Variants in OR4K17 observed in about 807,000 individuals in gnomAD.
The protein encoded by OR4K17 is olfactory receptor family 4 subfamily K member 17, also known as olfactory receptor 4K17.
For synonymous variants in OR4K17, 157 were observed against 132.8 expected, an observed-to-expected ratio of 1.18 and a Z score of -1.25; for missense variants, 480 against 366.3, an observed-to-expected ratio of 1.31 and a Z score of -2.53.
intron 1 of OR4K17, among the ~76,000 whole-genome samples, chr14:20,113,775 G>C (rs934068055): frequency 6.6e-6 from 1 of 151,814 alleles, no homozygotes; most frequent in African/African-American, 2.4e-5. Context: ...ACTTTGTGTT[G>C]CTCCATTAAT....
At chr14:20,112,095 A>C (rs901579740) in intron 1 of OR4K17, 2 of 152,074 alleles carry the variant, frequency 1.3e-5, no homozygotes, top group African/African-American at 4.8e-5. Flanking sequence ...GTGGGAGGTA[A>C]GGTGTCATAA....
At chr14:20,112,086 T>C (rs1877895031) in intron 1 of OR4K17, 1 of 151,636 alleles carries the variant, frequency 6.6e-6, no homozygotes, top group Non-Finnish European at 1.5e-5. Context: ...AGGAAAACAG[T>C]GGGAGGTAAG....
intron 1 of OR4K17, chr14:20,112,081 A>G (rs1474892353): frequency 1.3e-5 from 2 of 152,068 alleles, no homozygotes; most frequent in African/African-American, 4.8e-5. Flanking sequence ...GAGTAAGGAA[A>G]ACAGTGGGAG....
intron 1 of OR4K17, among the ~76,000 whole-genome samples, chr14:20,116,947 C>T (rs1416259777): frequency 3.3e-5 from 5 of 152,162 alleles, no homozygotes; most frequent in Admixed American, 6.5e-5. Context: ...TGCAACCTCG[C>T]TAACTCACTT....
At chr14:20,117,256 A>G in intron 1 of OR4K17, 1 of 585,748 alleles carries the variant, frequency 1.7e-6, no homozygotes, top group South Asian at 2.3e-5. Flanking sequence ...TGCTTCTGGG[A>G]AACCAACAGC....
chr14:20,118,014 A>T lies in OR4K17; in HGVS notation c.515A>T (p.Asn172Ile). ...GTGAACTTGCCCTTTTGTGGTCCCA[A>T]TGTGGTAGACAGCATTTTTTGTGAC... The part of the protein sequence containing the change: ...FAVNLPFCGP[N>I]VVDSIFCDLP... The change falls in exon 2 of 2, where the codon AAT becomes ATT. Residue 172 changes from asparagine to isoleucine, a missense_variant. Transcript: ENST00000641386. 6.2e-7 allele frequency: 1 copy of T among 1,614,152 alleles called. No homozygotes were observed. The highest frequency in any genetic ancestry group is 8.5e-7 in the Non-Finnish European group (1 of 1,180,012).
intron 1 of OR4K17, among the ~76,000 whole-genome samples, chr14:20,116,945 C>T (rs746555338): frequency 3.3e-5 from 5 of 152,164 alleles, no homozygotes; most frequent in Non-Finnish European, 4.4e-5. Flanking sequence ...CTTGCAACCT[C>T]GCTAACTCAC....
Position 20,117,806 on chromosome 14 carries a change from C to A in OR4K17, c.307C>A (p.Leu103Ile), listed in dbSNP as rs772021628. The change falls in exon 2 of 2, where the codon CTC (leucine) becomes ATC (isoleucine). Residue 103 changes from leucine to isoleucine, a missense_variant. Leu to Ile is a conservative substitution (Grantham distance 5). Transcript: ENST00000641386. ...TGCTGGGTGCTTCACTCAGATATTT[C>A]TCCTTCACTTACTGGGTGGGGTTGA... is the stretch of plus-strand genomic sequence containing the variant. The part of the protein sequence containing the change: ...SFAGCFTQIF[L>I]LHLLGGVEMV... 6.2e-7 allele frequency: 1 copy of A among 1,613,996 alleles called. No homozygotes were observed. The highest frequency in any genetic ancestry group is 1.3e-5 in the African/African-American group (1 of 74,904).
intron 1 of OR4K17, among the ~76,000 whole-genome samples, chr14:20,112,970 A>G (rs1274961371): frequency 4.6e-5 from 7 of 152,190 alleles, no homozygotes; most frequent in Middle Eastern, 6.8e-3. Flanking sequence ...GCTGCCCAAT[A>G]GTAATCTGGT....
intron 1 of OR4K17, among the ~76,000 whole-genome samples, chr14:20,112,443 G>T (rs923069746): frequency 6.6e-6 from 1 of 152,010 alleles, no homozygotes; most frequent in East Asian, 1.9e-4. Flanking sequence ...ACATTCAAAA[G>T]GCAGGTAAGC....
intron 1 of OR4K17, among the ~76,000 whole-genome samples, chr14:20,111,484 G>C (rs984781076): frequency 1.1e-4 from 17 of 151,974 alleles, no homozygotes; most frequent in African/African-American, 4.1e-4. Context: ...TATCTTTCTA[G>C]AGGCTCTTGC....
intron 1 of OR4K17, among the ~76,000 whole-genome samples, chr14:20,114,989 A>G (rs1385719800): frequency 6.6e-6 from 1 of 152,104 alleles, no homozygotes; most frequent in Non-Finnish European, 1.5e-5. Flanking sequence ...TCAAGCTTAA[A>G]CAAGAACTTC....
At position 20,120,329 on chromosome 14, in the gene OR4K17, A is replaced by T. The variant is rs1207511790; in HGVS notation, c.*1891A>T. 6.6e-6 allele frequency: 1 copy of T among 152,196 alleles called. No homozygotes were observed. Among genetic ancestry groups the T allele is most frequent in the African/African-American group, 2.4e-5 (1 of 41,448 alleles). 9.4% of individuals were successfully genotyped at this position (152,196 alleles called of 1,614,324 possible). ...ACACTCATTTTTCTTGTAGCTTCCAAAATAAGAATTCATGAAGATACCTTT... is the reference window on the plus strand; with the variant it reads ...ACACTCATTTTTCTTGTAGCTTCCATAATAAGAATTCATGAAGATACCTTT... On this transcript the variant is annotated 3_prime_UTR_variant, in exon 2 of 2. Coordinates refer to ENST00000641386, the MANE Select transcript of OR4K17 (RefSeq NM_001004715.5).
Position 20,118,458 on chromosome 14 carries a change from A to C in OR4K17, c.*20A>C. 6.8e-7 allele frequency: 1 copy of C among 1,468,770 alleles called. No homozygotes were observed. Among genetic ancestry groups the C allele is most frequent in the Non-Finnish European group, 9.3e-7 (1 of 1,075,728 alleles). 91.0% of individuals were successfully genotyped at this position (1,468,770 alleles called of 1,614,324 possible). Reference sequence around the variant, plus strand: ...ACTTAGATTAAAAATATAATGGTAGAGGCCGGGCATGGTGGCTGATGCCTG... The same window carrying C: ...ACTTAGATTAAAAATATAATGGTAGCGGCCGGGCATGGTGGCTGATGCCTG... On this transcript the variant is annotated 3_prime_UTR_variant, in exon 2 of 2. Transcript: ENST00000641386.
rs1566553889 is a variant in OR4K17 at position 20,122,111 on chromosome 14, C to A, written c.*3673C>A. 1 of 151,918 alleles carries A rather than the reference C, an allele frequency of 6.6e-6. No individual in the cohort carries two copies. The highest frequency in any genetic ancestry group is 1.5e-5 in the Non-Finnish European group (1 of 67,922). The allele number at this position is 151,918 out of a possible 1,614,324, so 9.4% of individuals were successfully genotyped here. A position where few individuals can be genotyped will look rare whatever the true frequency, so the allele number is the denominator to read the frequency against. ...ACTGAGGGATGACTCTACTTACCTA[C>A]CAACAATTATCTGGAATGTGAATGA... On this transcript the variant is annotated 3_prime_UTR_variant, in exon 2 of 2. Coordinates refer to ENST00000641386, the MANE Select transcript of OR4K17 (RefSeq NM_001004715.5).
At position 20,118,464 on chromosome 14, in the gene OR4K17, G is replaced by A. The variant is rs779427931; in HGVS notation, c.*26G>A. 2 of 1,401,802 alleles carry A rather than the reference G, an allele frequency of 1.4e-6. No homozygotes were observed. Among genetic ancestry groups the A allele is most frequent in the African/African-American group, 1.4e-5 (1 of 69,722 alleles). 86.8% of individuals were successfully genotyped at this position (1,401,802 alleles called of 1,614,324 possible). A position where few individuals can be genotyped will look rare whatever the true frequency, so the allele number is the denominator to read the frequency against. On this transcript the variant is annotated 3_prime_UTR_variant, in exon 2 of 2. Coordinates refer to ENST00000641386, the MANE Select transcript of OR4K17 (RefSeq NM_001004715.5). Reference sequence around the variant, plus strand: ...ATTAAAAATATAATGGTAGAGGCCGGGCATGGTGGCTGATGCCTGTAATCC... The same window carrying A: ...ATTAAAAATATAATGGTAGAGGCCGAGCATGGTGGCTGATGCCTGTAATCC...
intron 1 of OR4K17, among the ~76,000 whole-genome samples, chr14:20,114,146 G>C (rs1877937489): frequency 6.6e-6 from 1 of 151,754 alleles, no homozygotes; most frequent in African/African-American, 2.4e-5. Flanking sequence ...GGTACTCTCA[G>C]GTTAGAGGCA....
At chr14:20,112,814 CT>C (rs1877910080) in intron 1 of OR4K17, among the ~76,000 whole-genome samples, 1 of 151,924 alleles carries the variant, frequency 6.6e-6, no homozygotes, top group South Asian at 2.1e-4. Context: ...AGATTTTTCC[CT>C]GAATTTCAAA....
intron 1 of OR4K17, chr14:20,111,852 C>G (rs948979699): frequency 6.6e-6 from 1 of 152,078 alleles, no homozygotes; most frequent in Non-Finnish European, 1.5e-5. Context: ...AATGACCCAT[C>G]CATAATCACC....
Sources: allele counts gnomAD v4.1 joint callset (sites outside exome capture counted in the v4.1 genomes callset), GRCh38; gene constraint gnomAD v4.1.1; transcripts MANE v1.5; gene names NCBI Gene and HGNC (gene_info 2026-07-23, HGNC 2026-07-21).